IL1RAPL2: variants seen among roughly 807,000 people sequenced by gnomAD.
IL1RAPL2 encodes interleukin 1 receptor accessory protein like 2.
In IL1RAPL2, 3 loss-of-function variants were observed where a neutral mutation model predicts 44.1. The ratio of observed to expected loss-of-function variants is 0.07; its 90% CI spans 0.03 to 0.18. The LOEUF (loss-of-function observed/expected upper bound fraction) is 0.18, where lower values mean the gene tolerates loss of function less well. Ranked by LOEUF, IL1RAPL2 falls within the 10% of genes least tolerant of loss-of-function variation. IL1RAPL2 has a pLI of 1.00. For missense variants in IL1RAPL2, 391 were observed against 496.4 expected, an observed-to-expected ratio of 0.79 and a Z score of 2.02; for synonymous variants, 181 against 178.8, an observed-to-expected ratio of 1.01 and a Z score of -0.10.
intron 5 of IL1RAPL2, among the ~76,000 whole-genome samples, chrX:105,338,613 T>C (rs1166355899): frequency 1.8e-5 from 2 of 111,937 alleles, no homozygotes; most frequent in Admixed American, 1.9e-4. Context: ...GCTAGTTCTA[T>C]GGTGAGGCCA....
rs769359263 is a variant in IL1RAPL2 at position 105,071,184 on chromosome X, A to T, written c.83-124291A>T. 1.3e-4 allele frequency among the ~76,000 whole-genome samples: 14 copies of T among 111,920 alleles called. No homozygotes were observed. The South Asian group carries it at 5.2e-3, about 41-fold the overall frequency. ...AAACTGTTAAAATGAAAATGGTAAA[A>T]GTGCAGGATACAAAATCAACACAGA... On this transcript the variant is annotated intron_variant, in intron 2 of 10. Transcript: ENST00000372582.
chrX:104,848,447 A>C (rs1322368051), intron 2 of IL1RAPL2, among the ~76,000 whole-genome samples: 1 of 86,716 alleles, frequency 1.2e-5, no homozygotes, highest in African/African-American at 4.3e-5. Context: ...ATATATATAT[A>C]TATAACTTAA....
intron 6 of IL1RAPL2, among the ~76,000 whole-genome samples, chrX:105,552,251 G>A (rs1028334750): frequency 2.3e-4 from 26 of 111,882 alleles, no homozygotes; most frequent in African/African-American, 8.1e-4. Context: ...AAAGATAGTA[G>A]ATTCTAGTTT....
intron 2 of IL1RAPL2, among the ~76,000 whole-genome samples, chrX:104,825,548 A>T (rs1002704143): frequency 8.9e-6 from 1 of 111,998 alleles, no homozygotes; most frequent in Non-Finnish European, 1.9e-5. Context: ...AATTTCTCCA[A>T]GTGCTCTGGA....
chrX:105,041,083 T>C (rs1267367900), intron 2 of IL1RAPL2, among the ~76,000 whole-genome samples: 9 of 104,496 alleles, frequency 8.6e-5, no homozygotes, highest in African/African-American at 3.2e-4. Context: ...GTTGTGTCTT[T>C]GTTCTCGTTG....
At chrX:105,521,645 C>T (rs1324594845) in intron 6 of IL1RAPL2, among the ~76,000 whole-genome samples, 1 of 112,000 alleles carries the variant, frequency 8.9e-6, no homozygotes, top group Admixed American at 9.4e-5. Context: ...CTTTGTTTGG[C>T]ACTTCTCTCT....
At chrX:104,925,583 G>T (rs1240396460) in intron 2 of IL1RAPL2, among the ~76,000 whole-genome samples, 1 of 111,873 alleles carries the variant, frequency 8.9e-6, no homozygotes, top group Non-Finnish European at 1.9e-5. Flanking sequence ...CACATAAACA[G>T]AACTAAAGAC....
chrX:104,932,051 G>T (rs939114989), intron 2 of IL1RAPL2, among the ~76,000 whole-genome samples: 1 of 102,903 alleles, frequency 9.7e-6, no homozygotes, highest in East Asian at 3.1e-4. Flanking sequence ...GAGTGCAATG[G>T]CGTGATCTCG....
intron 6 of IL1RAPL2, among the ~76,000 whole-genome samples, chrX:105,524,730 A>G (rs764204703): frequency 3.0e-4 from 33 of 110,937 alleles, no homozygotes; most frequent in African/African-American, 1.1e-3. Flanking sequence ...GACAATATTA[A>G]TTAGAGATTT....
At chrX:105,115,654 G>A (rs1171364522) in intron 2 of IL1RAPL2, among the ~76,000 whole-genome samples, 1 of 112,878 alleles carries the variant, frequency 8.9e-6, no homozygotes, top group African/African-American at 3.2e-5. Context: ...GATTCTCCAA[G>A]TCCCCACCAG....
chrX:104,893,972 G>A (rs755667314), intron 2 of IL1RAPL2, among the ~76,000 whole-genome samples: 2 of 111,216 alleles, frequency 1.8e-5, no homozygotes, highest in Non-Finnish European at 3.8e-5. Context: ...GCTCTTTTAG[G>A]GCAGGTCTAG....
intron 2 of IL1RAPL2, among the ~76,000 whole-genome samples, chrX:104,730,367 T>C (rs1602701242): frequency 1.5e-5 from 1 of 66,817 alleles, no homozygotes; most frequent in African/African-American, 4.8e-5. Context: ...ATGCTATCCC[T>C]CCCCTCCCCC....
intron 6 of IL1RAPL2, among the ~76,000 whole-genome samples, chrX:105,486,370 A>T (rs1193886941): frequency 2.7e-5 from 3 of 112,329 alleles, no homozygotes; most frequent in African/African-American, 9.7e-5. Flanking sequence ...AAGCATTTTA[A>T]ACAAAACAAA....
At chrX:105,716,702 A>G (rs992347320) in intron 6 of IL1RAPL2, among the ~76,000 whole-genome samples, 1 of 111,679 alleles carries the variant, frequency 9.0e-6, no homozygotes, top group Admixed American at 9.6e-5. Flanking sequence ...ATATTACCTA[A>G]TTTTTCTTAA....
intron 1 of IL1RAPL2, among the ~76,000 whole-genome samples, chrX:104,601,210 C>T (rs922217758): frequency 6.4e-5 from 7 of 110,147 alleles, no homozygotes; most frequent in Non-Finnish European, 3.8e-5. Flanking sequence ...ACATGTGCCA[C>T]GTTGGTGTGC....
intron 3 of IL1RAPL2, among the ~76,000 whole-genome samples, chrX:105,213,410 T>C (rs1339042978): frequency 9.2e-6 from 1 of 108,509 alleles, no homozygotes; most frequent in Non-Finnish European, 1.9e-5. Flanking sequence ...AAATAAGGCA[T>C]GAAGACAAGA....
intron 1 of IL1RAPL2, among the ~76,000 whole-genome samples, chrX:104,630,928 T>C (rs771512683): frequency 1.3e-4 from 14 of 109,994 alleles, no homozygotes; most frequent in African/African-American, 4.6e-4. Flanking sequence ...CATGTTGGTG[T>C]GCTGGACCCA....
chrX:104,896,294 C>A (rs1418353504), intron 2 of IL1RAPL2, among the ~76,000 whole-genome samples: 10 of 111,702 alleles, frequency 9.0e-5, no homozygotes, highest in Admixed American at 8.6e-4. Flanking sequence ...ACAAATGGGA[C>A]CCCAAATGAG....
At chrX:105,402,380 T>G (rs1272322477) in intron 5 of IL1RAPL2, among the ~76,000 whole-genome samples, 2 of 111,754 alleles carry the variant, frequency 1.8e-5, no homozygotes, top group Non-Finnish European at 3.8e-5. Context: ...AAATGTACTT[T>G]CCTAGCCTGT....
Sources: gnomAD v4.1 joint callset for allele counts (sites outside exome capture counted in the v4.1 genomes callset) on GRCh38, gnomAD v4.1.1 for gene constraint, MANE v1.5 for transcripts, NCBI Gene and HGNC (gene_info 2026-07-23, HGNC 2026-07-21) for gene names.